CSMD1: variants seen among roughly 807,000 people sequenced by gnomAD.
The protein encoded by CSMD1 is CUB and sushi domain-containing protein 1.
A neutral mutation model predicts 417.5 loss-of-function variants in CSMD1; 213 were observed. The observed-to-expected ratio is 0.51, with a 90% CI of 0.46 to 0.57. The LOEUF (loss-of-function observed/expected upper bound fraction) is 0.57. Ranked by LOEUF, CSMD1 falls within the 20% of genes least tolerant of loss-of-function variation. The pLI, the probability that CSMD1 is intolerant of heterozygous loss-of-function variation, is 0.00. For synonymous variants in CSMD1, 2,862 were observed against 1,736.8 expected, an observed-to-expected ratio of 1.65 and a Z score of -16.11; for missense variants, 6,923 against 4,529.7, an observed-to-expected ratio of 1.53 and a Z score of -15.17.
intron 4 of CSMD1, among the ~76,000 whole-genome samples, chr8:4,031,159 A>G (rs957888216): frequency 2.0e-5 from 3 of 152,206 alleles, no homozygotes; most frequent in African/African-American, 7.2e-5. Context: ...CCAGTTCCAA[A>G]GTCGCTTCCA....
chr8:3,827,313 T>G (rs1442491489), intron 5 of CSMD1, among the ~76,000 whole-genome samples: 1 of 152,206 alleles, frequency 6.6e-6, no homozygotes, highest in Admixed American at 6.5e-5. Flanking sequence ...TCAAAGGCTC[T>G]ATATAAAAGA....
In CSMD1 at chr8:4,129,110, A is replaced by T. The variant is rs1417790429; in HGVS notation, c.416-97011T>A. Among the ~76,000 whole-genome samples the T allele has an allele frequency of 4.0e-5, 6 of 151,424 alleles. No homozygotes were observed. In the East Asian group the frequency reaches 1.2e-3, roughly 29 times the overall value. ...AAAAAAAACAAAACAAAAAAAACAG[A>T]ATTTTTATTGTTGTTGTTGCTTTTG... On this transcript the variant is annotated intron_variant, in intron 3 of 69. Coordinates refer to ENST00000635120, the MANE Select transcript of CSMD1 (RefSeq NM_033225.6).
At chr8:4,152,430 G>C (rs1323276256) in intron 3 of CSMD1, among the ~76,000 whole-genome samples, 1 of 151,784 alleles carries the variant, frequency 6.6e-6, no homozygotes, top group Non-Finnish European at 1.5e-5. Context: ...TGTAATCCCA[G>C]CAATTTGGCC....
chr8:3,103,680 A>T (rs1815918057), intron 46 of CSMD1, among the ~76,000 whole-genome samples: 2 of 152,038 alleles, frequency 1.3e-5, no homozygotes, highest in Non-Finnish European at 2.9e-5. Flanking sequence ...CTTGTCATGA[A>T]TTAAACGTCA....
At chr8:3,597,302 G>C (rs1039064887) in intron 8 of CSMD1, among the ~76,000 whole-genome samples, 1 of 152,084 alleles carries the variant, frequency 6.6e-6, no homozygotes, top group African/African-American at 2.4e-5. Flanking sequence ...CTGAAGCTGA[G>C]CACAGCTTCC....
At chr8:4,946,708 G>C (rs989971022) in intron 1 of CSMD1, among the ~76,000 whole-genome samples, 1 of 152,122 alleles carries the variant, frequency 6.6e-6, no homozygotes, top group Non-Finnish European at 1.5e-5. Flanking sequence ...TCTCCCCAAA[G>C]GTTGAATATG....
At chr8:3,244,974 C>T (rs566273032) in intron 26 of CSMD1, among the ~76,000 whole-genome samples, 13 of 152,234 alleles carry the variant, frequency 8.5e-5, no homozygotes, top group Middle Eastern at 3.4e-3. Context: ...TGGCTATTTC[C>T]AAGAAGAACT....
At chr8:3,867,600 A>C (rs1340930093) in intron 5 of CSMD1, among the ~76,000 whole-genome samples, 1 of 152,108 alleles carries the variant, frequency 6.6e-6, no homozygotes. Flanking sequence ...CCTAAACAAA[A>C]ATTTTAATCT....
intron 5 of CSMD1, among the ~76,000 whole-genome samples, chr8:3,986,207 T>C (rs1814308314): frequency 6.6e-6 from 1 of 152,150 alleles, no homozygotes; most frequent in Non-Finnish European, 1.5e-5. Context: ...GGTCCTGAGA[T>C]GGTGCAAAGA....
At chr8:3,789,625 G>C (rs763301354) in intron 5 of CSMD1, among the ~76,000 whole-genome samples, 3 of 150,726 alleles carry the variant, frequency 2.0e-5, no homozygotes, top group Non-Finnish European at 4.4e-5. Context: ...TAGTCTTTAA[G>C]TCCTCTAAAA....
At chr8:3,080,961 G>A (rs1433530815) in intron 49 of CSMD1, among the ~76,000 whole-genome samples, 2 of 152,070 alleles carry the variant, frequency 1.3e-5, no homozygotes, top group African/African-American at 4.8e-5. Context: ...TAAAATAGAA[G>A]ACAACAAAAG....
At chr8:3,103,156 C>A (rs940951695) in intron 46 of CSMD1, among the ~76,000 whole-genome samples, 3 of 152,178 alleles carry the variant, frequency 2.0e-5, no homozygotes, top group Non-Finnish European at 4.4e-5. Flanking sequence ...TACACACTTA[C>A]ACATAGACAT....
intron 7 of CSMD1, among the ~76,000 whole-genome samples, chr8:3,656,025 G>C (rs148212183): frequency 1.6e-3 from 249 of 152,266 alleles, no homozygotes; most frequent in African/African-American, 5.7e-3. Context: ...TGCAAAGATG[G>C]ACATCTCTCT....
chr8:3,616,744 G>A lies in CSMD1; in HGVS notation c.1063C>T (p.Pro355Ser). ...GAACCTGCTCTTCTACCATTTTCTGGAATCCCAGGATCTGGACACATGTCA... is the reference window on the plus strand; with the variant it reads ...GAACCTGCTCTTCTACCATTTTCTGAAATCCCAGGATCTGGACACATGTCA... ...VSDMCPDPGI[P>S]ENGRRAGSDF... Residue 355 changes from proline to serine, a missense_variant, in exon 8 of 70, where the codon CCA (proline) becomes TCA (serine). Coordinates refer to ENST00000635120, the MANE Select transcript of CSMD1 (RefSeq NM_033225.6). 5 of 1,612,338 alleles carry A rather than the reference G, an allele frequency of 3.1e-6. No homozygotes were observed. Among genetic ancestry groups the A allele is most frequent in the Non-Finnish European group, 4.2e-6 (5 of 1,179,076 alleles).
intron 10 of CSMD1, among the ~76,000 whole-genome samples, chr8:3,508,067 C>T (rs1796906100): frequency 6.6e-6 from 1 of 152,162 alleles, no homozygotes; most frequent in South Asian, 2.1e-4. Context: ...GTGTTTTAGA[C>T]ATGAGGTCCT....
chr8:3,075,268 TTTTC>T (rs144533822), intron 49 of CSMD1, among the ~76,000 whole-genome samples: 2,346 of 39,052 alleles, frequency 0.06, 80 homozygotes, highest in African/African-American at 0.13. Context: ...TTTTCTTTTC[TTTTC>T]TTTCTTTCTT....
At chr8:3,522,991 A>G (rs952428743) in intron 10 of CSMD1, among the ~76,000 whole-genome samples, 4 of 143,470 alleles carry the variant, frequency 2.8e-5, no homozygotes, top group Non-Finnish European at 6.0e-5. Flanking sequence ...TACATACAAA[A>G]TGGAGATACA....
At chr8:3,248,267 T>C (rs1188122684) in intron 26 of CSMD1, among the ~76,000 whole-genome samples, 1 of 152,248 alleles carries the variant, frequency 6.6e-6, no homozygotes. Flanking sequence ...ATTAGGGTGA[T>C]GACACGTTCA....
intron 25 of CSMD1, among the ~76,000 whole-genome samples, chr8:3,296,803 G>A (rs1804003803): frequency 6.6e-6 from 1 of 152,140 alleles, no homozygotes; most frequent in Non-Finnish European, 1.5e-5. Flanking sequence ...CTGAGAAACG[G>A]TGCAGTATGT....
Sources: allele counts gnomAD v4.1 joint callset (sites outside exome capture counted in the v4.1 genomes callset), GRCh38; gene constraint gnomAD v4.1.1; transcripts MANE v1.5; gene names NCBI Gene and HGNC (gene_info 2026-07-23, HGNC 2026-07-21).